The following MAPRE2 variants were observed in gnomAD, a reference collection of about 807,000 sequenced individuals.
The protein encoded by MAPRE2 is microtubule-associated protein RP/EB family member 2.
In MAPRE2, 13 loss-of-function variants were observed where a neutral mutation model predicts 43.2. The ratio of observed to expected loss-of-function variants is 0.30; its 90% CI spans 0.20 to 0.48. The LOEUF is 0.48. Among genes scored for constraint, MAPRE2 ranks in the 20% least tolerant of loss-of-function variants. The pLI, the probability that MAPRE2 is intolerant of heterozygous loss-of-function variation, is 0.99. For missense variants in MAPRE2, 161 were observed against 400.2 expected (o/e 0.40, Z 5.10); for synonymous variants, 135 against 148.8 (o/e 0.91, Z 0.68).
intron 2 of MAPRE2, among the ~76,000 whole-genome samples, chr18:35,072,878 G>T (rs1265197630): frequency 1.3e-5 from 2 of 152,042 alleles, no homozygotes; most frequent in African/African-American, 4.8e-5. Flanking sequence ...AGGATTGATG[G>T]TTCAGAAGAA....
chr18:35,061,942 C>T (rs545474349), intron 1 of MAPRE2, among the ~76,000 whole-genome samples: 2 of 152,170 alleles, frequency 1.3e-5, no homozygotes, highest in African/African-American at 2.4e-5. Context: ...TCCTGCCTCT[C>T]GAGGTATTGA....
intron 3 of MAPRE2, among the ~76,000 whole-genome samples, chr18:35,101,335 A>G (rs1908669239): frequency 6.6e-6 from 1 of 152,196 alleles, no homozygotes; most frequent in Non-Finnish European, 1.5e-5. Context: ...GGCATGCAAT[A>G]TGAAAGAAGC....
chr18:35,055,909 C>T (rs1311571735), intron 1 of MAPRE2, among the ~76,000 whole-genome samples: 4 of 148,680 alleles, frequency 2.7e-5, no homozygotes, highest in East Asian at 4.0e-4. Flanking sequence ...GAGCCGAGAT[C>T]ATGCAACTGC....
chr18:35,012,400 A>C lies in MAPRE2; in HGVS notation c.-8+6847A>C, dbSNP rs1486761889. Among the ~76,000 whole-genome samples, 3 of 152,142 alleles carry C rather than the reference A, an allele frequency of 2.0e-5. No individual in the cohort carries two copies. In the East Asian group the frequency reaches 5.8e-4, roughly 29 times the overall value. On this transcript the variant is annotated intron_variant, in intron 2 of 7. Transcript: ENST00000413393. ...AAGGGAGTCCAGAGTAGAACCTTGA[A>C]AATCACCAATATTTGAAATGTAGAT...
At chr18:34,986,280 T>C (rs1314476708) in intron 1 of MAPRE2, among the ~76,000 whole-genome samples, 1 of 152,090 alleles carries the variant, frequency 6.6e-6, no homozygotes, top group Non-Finnish European at 1.5e-5. Flanking sequence ...ACCTTGAACG[T>C]TCCTTCCTTC....
At chr18:35,040,746 C>CT (rs953050263), upstream of MAPRE2, among the ~76,000 whole-genome samples, 37 of 152,214 alleles carry the variant, frequency 2.4e-4, 2 homozygotes, top group Admixed American at 2.2e-3. Flanking sequence ...TGGTGGTTAT[C>CT]TTTTTTTAAA....
In MAPRE2 at chr18:34,999,914, G is replaced by A. The variant is rs79212247; in HGVS notation, c.-69-5578G>A. On this transcript the variant is annotated intron_variant, in intron 1 of 7. Transcript: ENST00000413393. ...CTCCCCTCTGCTGCCCCTAGAGAAG[G>A]CCCTGAGCCCAACCCAAGACCATTA... 5.0e-3 allele frequency among the ~76,000 whole-genome samples: 755 copies of A among 152,090 alleles called. 9 individuals are homozygous for A. The highest frequency in any genetic ancestry group is 0.017 in the African/African-American group (716 of 41,500).
intron 1 of MAPRE2, among the ~76,000 whole-genome samples, chr18:35,047,716 T>TA (rs34691999): frequency 0.23 from 32,601 of 143,004 alleles, 3,932 homozygotes; most frequent in African/African-American, 0.33. Context: ...GTAGGTTACT[T>TA]AAAAAAAAAA....
At chr18:35,137,460 C>T (rs769559068) in intron 6 of MAPRE2, among the ~76,000 whole-genome samples, 30 of 152,332 alleles carry the variant, frequency 2.0e-4, no homozygotes, top group Non-Finnish European at 2.8e-4. Context: ...TCAACTTTAG[C>T]TCCATTAGCC....
intron 2 of MAPRE2, among the ~76,000 whole-genome samples, chr18:35,094,270 C>A (rs139333634): frequency 6.6e-6 from 1 of 151,940 alleles, no homozygotes; most frequent in Non-Finnish European, 1.5e-5. Flanking sequence ...TAATAAGTTA[C>A]CTGTTTTTGA....
At chr18:34,996,355 G>A (rs899299193) in intron 1 of MAPRE2, among the ~76,000 whole-genome samples, 1 of 152,048 alleles carries the variant, frequency 6.6e-6, no homozygotes, top group African/African-American at 2.4e-5. Flanking sequence ...TAAGCAGCGG[G>A]CAACCTAGAT....
At chr18:35,041,724 C>G (rs1306711490) in intron 1 of MAPRE2, 63 bp downstream of exon 1, 20 of 1,611,982 alleles carry the variant, frequency 1.2e-5, no homozygotes, top group Non-Finnish European at 1.6e-5. Context: ...AAATCCAGCC[C>G]GTTATATAAT....
intron 1 of MAPRE2, among the ~76,000 whole-genome samples, chr18:35,054,437 C>G (rs980051474): frequency 1.3e-5 from 2 of 152,198 alleles, no homozygotes; most frequent in African/African-American, 4.8e-5. Flanking sequence ...TTTCGTTTAA[C>G]ATTTATTCAT....
intron 2 of MAPRE2, among the ~76,000 whole-genome samples, chr18:35,071,056 G>A (rs963615967): frequency 6.6e-6 from 1 of 152,210 alleles, no homozygotes; most frequent in Non-Finnish European, 1.5e-5. Context: ...AGCCCTGAAG[G>A]TGCTGAGAGT....
intron 2 of MAPRE2, among the ~76,000 whole-genome samples, chr18:35,019,107 C>T (rs2097040352): frequency 1.3e-5 from 2 of 151,986 alleles, no homozygotes; most frequent in South Asian, 2.1e-4. Context: ...TATTAGGGAG[C>T]AAGTTGTTTA....
At chr18:35,063,079 C>T (rs780917939) in intron 1 of MAPRE2, among the ~76,000 whole-genome samples, 8 of 151,792 alleles carry the variant, frequency 5.3e-5, no homozygotes, top group Non-Finnish European at 1.0e-4. Context: ...CATTGGCATG[C>T]GGTGGGTTGA....
chr18:35,133,542 C>T (rs1910256314), intron 6 of MAPRE2, among the ~76,000 whole-genome samples: 1 of 152,066 alleles, frequency 6.6e-6, no homozygotes, highest in Admixed American at 6.5e-5. Context: ...GAGGCTAAAT[C>T]AGCTGAGATC....
intron 2 of MAPRE2, among the ~76,000 whole-genome samples, chr18:35,075,626 C>T (rs774829733): frequency 1.3e-5 from 2 of 152,084 alleles, no homozygotes; most frequent in Non-Finnish European, 2.9e-5. Context: ...ATTATTCATA[C>T]TTGTGATATA....
chr18:35,050,655 A>T (rs1905892514), intron 1 of MAPRE2, among the ~76,000 whole-genome samples: 1 of 152,204 alleles, frequency 6.6e-6, no homozygotes, highest in African/African-American at 2.4e-5. Flanking sequence ...TATCAAGTAC[A>T]GCAAAGGGCC....
Sources: gnomAD v4.1 joint callset for allele counts (sites outside exome capture counted in the v4.1 genomes callset) on GRCh38, gnomAD v4.1.1 for gene constraint, MANE v1.5 for transcripts, NCBI Gene and HGNC (gene_info 2026-07-23, HGNC 2026-07-21) for gene names.